SRRD: variants seen among roughly 807,000 people sequenced by gnomAD.
The protein encoded by SRRD is SRR1 domain containing.
SRRD carries 28 observed loss-of-function variants against 30.7 expected under a neutral mutation model. That is an observed-to-expected ratio of 0.91 (90% CI 0.68 to 1.25). The LOEUF (loss-of-function observed/expected upper bound fraction) is 1.25. Ranked by LOEUF, SRRD falls within the 50% of genes most tolerant of loss-of-function variation. SRRD has a pLI of 0.00. For synonymous variants in SRRD, 161 were observed against 159.6 expected (o/e 1.01, Z -0.07); for missense variants, 415 against 417.3 (o/e 0.99, Z 0.05).
chr22:26,490,833 G>C, intron 5 of SRRD, 192 bp from the exon 6 acceptor site: 1 of 565,954 alleles, frequency 1.8e-6, no homozygotes, highest in Non-Finnish European at 3.1e-6. Flanking sequence ...TGAAGTGCTG[G>C]GATTACCTGC....
At position 26,490,190 on chromosome 22, in the gene SRRD, T is replaced by C. The variant is rs374535836; in HGVS notation, c.756T>C (p.Leu252=). Residue 252 remains leucine, a synonymous_variant, in exon 5 of 7, where the codon CTT becomes CTC. Transcript: ENST00000215917. ...MVIIGNSFKG[L]EERLLARILQ... The stretch of plus-strand genomic sequence containing the variant: ...TCATTGGGAACAGTTTCAAAGGACT[T>C]GAGGAGAGGTAAGTCTGAGAATGCT... The C allele has an allele frequency of 2.2e-5, 35 of 1,613,952 alleles. No homozygotes were observed. Among genetic ancestry groups the C allele is most frequent in the Non-Finnish European group, 3.0e-5 (35 of 1,180,000 alleles).
rs940174826 is a variant in SRRD, at chr22:26,492,948, G to GA, written c.*1282dup. Reference sequence around the variant, plus strand: ...AAGGGTAGCTAAGGAAGAGTTTTTAGAAAAAACTTGATAATTACAGAAGCA... The same window carrying GA: ...AAGGGTAGCTAAGGAAGAGTTTTTAGAAAAAAACTTGATAATTACAGAAGCA... On this transcript the variant is annotated 3_prime_UTR_variant, in exon 7 of 7. Coordinates refer to ENST00000215917, the MANE Select transcript of SRRD (RefSeq NM_001013694.3). 9.8e-5 allele frequency: 15 copies of GA among 153,064 alleles called. No homozygotes were observed. Among genetic ancestry groups the GA allele is most frequent in the African/African-American group, 3.1e-4 (13 of 41,412 alleles). 9.5% of individuals were successfully genotyped at this position (153,064 alleles called of 1,614,324 possible). A position where few individuals can be genotyped will look rare whatever the true frequency, so the allele number is the denominator to read the frequency against.
chr22:26,488,510 A>C (rs2091725693), intron 4 of SRRD, 22 bp downstream of exon 4: 1 of 1,577,948 alleles, frequency 6.3e-7, no homozygotes, highest in Non-Finnish European at 8.7e-7. Flanking sequence ...AAAGGGGAGC[A>C]GACAGAACTG....
At chr22:26,487,891 C>T in intron 2 of SRRD, 138 bp from the exon 3 acceptor site, 2 of 791,654 alleles carry the variant, frequency 2.5e-6, no homozygotes, top group Non-Finnish European at 3.7e-6. Context: ...CTGGCAGCTT[C>T]TCTCTCTCTC....
At chr22:26,489,807 A>C (rs1267501916) in intron 4 of SRRD, among the ~76,000 whole-genome samples, 2 of 152,152 alleles carry the variant, frequency 1.3e-5, no homozygotes, top group Non-Finnish European at 2.9e-5. Context: ...GTTCATGAGA[A>C]CACAATGTGT....
chr22:26,494,357 A>G lies in SRRD; in HGVS notation c.*2685A>G. The stretch of plus-strand genomic sequence containing the variant: ...CATCGTGGCAACAAATGAAGGCAAG[A>G]TTTCTGAAGTGGCCATTTGTTTTGT... On this transcript the variant is annotated 3_prime_UTR_variant, in exon 7 of 7. Coordinates refer to ENST00000215917, the MANE Select transcript of SRRD (RefSeq NM_001013694.3). The G allele has an allele frequency of 6.2e-7, 1 of 1,609,002 alleles. No individual in the cohort carries two copies. Among genetic ancestry groups the G allele is most frequent in the Non-Finnish European group, 8.5e-7 (1 of 1,175,628 alleles).
Position 26,492,694 on chromosome 22 carries a change from C to A in SRRD, c.*1022C>A. 1 of 270,014 alleles carries A rather than the reference C, an allele frequency of 3.7e-6. No individual in the cohort carries two copies. Among genetic ancestry groups the A allele is most frequent in the Non-Finnish European group, 7.2e-6 (1 of 139,854 alleles). The allele number at this position is 270,014 out of a possible 1,614,324, so 16.7% of individuals were successfully genotyped here. On this transcript the variant is annotated 3_prime_UTR_variant, in exon 7 of 7. Coordinates refer to ENST00000215917, the MANE Select transcript of SRRD (RefSeq NM_001013694.3). ...GCCACTCTTCTGTTCCCACCTTGCT[C>A]TGTAGAGTTTCCATTTCCCACCACC...
chr22:26,491,084 T>C lies in SRRD; in HGVS notation c.810+14T>C. ...TACATTGCAAAGGTATCTATCTGAA[T>C]AAAGGGGCTGGGATGGAAAAGGGTG... On this transcript the variant is annotated intron_variant, in intron 6 of 6. Transcript: ENST00000215917. 1.9e-6 allele frequency: 3 copies of C among 1,610,268 alleles called. No individual in the cohort carries two copies. The South Asian group carries it at 3.3e-5, about 18-fold the overall frequency.
chr22:26,490,558 G>GTTTTTTTTTTTT (rs1491237870), intron 5 of SRRD, among the ~76,000 whole-genome samples: 17 of 25,706 alleles, frequency 6.6e-4, no homozygotes, highest in East Asian at 1.8e-3. Flanking sequence ...TGGAATATTT[G>GTTTTTTTTTTTT]CTTTTTTTTT....
At chr22:26,487,036 C>G (rs1382372358) in intron 2 of SRRD, among the ~76,000 whole-genome samples, 1 of 151,822 alleles carries the variant, frequency 6.6e-6, no homozygotes, top group African/African-American at 2.4e-5. Flanking sequence ...ATCCTCCTGC[C>G]TCAGTCTCCT....
At chr22:26,491,353 A>AT in intron 6 of SRRD, 110 bp from the exon 7 acceptor site, 2 of 945,570 alleles carry the variant, frequency 2.1e-6, no homozygotes, top group Non-Finnish European at 3.2e-6. Context: ...CCTATTTGTT[A>AT]TTTTTTTAAA....
Position 26,494,328 on chromosome 22 carries a change from C to T in SRRD, c.*2656C>T, listed in dbSNP as rs751740130. 4 of 1,614,034 alleles carry T rather than the reference C, an allele frequency of 2.5e-6. No individual in the cohort carries two copies. In the Admixed American group the frequency reaches 6.7e-5, roughly 27 times the overall value. ...ACCTGCCAAAAAGAAAAATTACTTG[C>T]ATCCATCGTGGCAACAAATGAAGGC... On this transcript the variant is annotated 3_prime_UTR_variant, in exon 7 of 7. Coordinates refer to ENST00000215917, the MANE Select transcript of SRRD (RefSeq NM_001013694.3).
chr22:26,490,559 CTT>C (rs71192931), intron 5 of SRRD, among the ~76,000 whole-genome samples: 12 of 51,840 alleles, frequency 2.3e-4, no homozygotes, highest in African/African-American at 4.4e-4. Context: ...GGAATATTTG[CTT>C]TTTTTTTTTT....
rs372640084 is a variant in SRRD, at chr22:26,491,709, A to C, written c.*37A>C. 6.7e-5 allele frequency: 105 copies of C among 1,566,240 alleles called. No homozygotes were observed. Among genetic ancestry groups the C allele is most frequent in the Non-Finnish European group, 8.4e-5 (97 of 1,149,188 alleles). On this transcript the variant is annotated 3_prime_UTR_variant, in exon 7 of 7. Coordinates refer to ENST00000215917, the MANE Select transcript of SRRD (RefSeq NM_001013694.3). ...GGTACTCAGTGTTGGCTGAGGTAGA[A>C]GCTGCCACCAGAGACTAAAGGGAAG...
At chr22:26,490,694 G>A (rs1921057806) in intron 5 of SRRD, 1 of 264,588 alleles carries the variant, frequency 3.8e-6, no homozygotes, top group Non-Finnish European at 7.2e-6. Flanking sequence ...CTAATGAGTA[G>A]CTGGGATTAC....
rs745930607 is a variant in SRRD, at chr22:26,491,815, C to T, written c.*143C>T. ...CTGTCCTGTTTTGAGGACGATACCC[C>T]ACATGAGGACTTGGTATAAAGATTC... On this transcript the variant is annotated 3_prime_UTR_variant, in exon 7 of 7. Transcript: ENST00000215917. 6.5e-6 allele frequency: 6 copies of T among 918,548 alleles called. No individual in the cohort carries two copies. The highest frequency in any genetic ancestry group is 9.6e-6 in the Non-Finnish European group (6 of 622,016). 56.9% of individuals were successfully genotyped at this position (918,548 alleles called of 1,614,324 possible). A position where few individuals can be genotyped will look rare whatever the true frequency, so the allele number is the denominator to read the frequency against.
rs570260590 is a variant in SRRD, at chr22:26,483,942, C to A, written c.52C>A (p.Arg18=). ...GGAATCCTGGCAGGCGGCGGCTCCG[C>A]GGAAGAGGCGCTCCGCGGCTCGACG... The part of the protein sequence containing the change: ...ALESWQAAAP[R]KRRSAARRPR... The change falls in exon 1 of 7, where the codon CGG becomes AGG. Residue 18 remains arginine, a synonymous_variant. Coordinates refer to ENST00000215917, the MANE Select transcript of SRRD (RefSeq NM_001013694.3). 7.4e-7 allele frequency: 1 copy of A among 1,355,928 alleles called. No individual in the cohort carries two copies. 84.0% of individuals were successfully genotyped at this position (1,355,928 alleles called of 1,614,324 possible).
rs756952141 is a variant in SRRD at position 26,492,134 on chromosome 22, C to G, written c.*462C>G. Reference sequence around the variant, plus strand: ...GCGGCCAAAGGTGTAGAGCTGCTTCCCTTCGTGTCGCTTCCCAATGACGGG... The same window carrying G: ...GCGGCCAAAGGTGTAGAGCTGCTTCGCTTCGTGTCGCTTCCCAATGACGGG... On this transcript the variant is annotated 3_prime_UTR_variant, in exon 7 of 7. Coordinates refer to ENST00000215917, the MANE Select transcript of SRRD (RefSeq NM_001013694.3). 5.0e-6 allele frequency: 8 copies of G among 1,613,350 alleles called. No homozygotes were observed. Among genetic ancestry groups the G allele is most frequent in the Non-Finnish European group, 6.8e-6 (8 of 1,179,808 alleles).
In SRRD at chr22:26,494,310, A is replaced by G. The variant is rs1436256857; in HGVS notation, c.*2638A>G. On this transcript the variant is annotated 3_prime_UTR_variant, in exon 7 of 7. Coordinates refer to ENST00000215917, the MANE Select transcript of SRRD (RefSeq NM_001013694.3). Reference sequence around the variant, plus strand: ...CTGAGCCAAGAGCACAGCACCTGCCAAAAAGAAAAATTACTTGCATCCATC... The same window carrying G: ...CTGAGCCAAGAGCACAGCACCTGCCGAAAAGAAAAATTACTTGCATCCATC... 6.2e-7 allele frequency: 1 copy of G among 1,614,222 alleles called. No individual in the cohort carries two copies. The highest frequency in any genetic ancestry group is 8.5e-7 in the Non-Finnish European group (1 of 1,180,036).
Sources: gnomAD v4.1 joint callset for allele counts (sites outside exome capture counted in the v4.1 genomes callset) on GRCh38, gnomAD v4.1.1 for gene constraint, MANE v1.5 for transcripts, NCBI Gene and HGNC (gene_info 2026-07-23, HGNC 2026-07-21) for gene names.